SYN3: variants seen among roughly 807,000 people sequenced by gnomAD.
The protein encoded by SYN3 is synapsin-3.
Under a neutral mutation model 65.8 loss-of-function variants are expected in SYN3, and 35 were observed. The ratio of observed to expected loss-of-function variants is 0.53; its 90% CI spans 0.41 to 0.70. SYN3 has a LOEUF of 0.70. Ranked by LOEUF, SYN3 falls within the 30% of genes least tolerant of loss-of-function variation. The pLI, the probability that SYN3 is intolerant of heterozygous loss-of-function variation, is 0.00. For missense variants in SYN3, 680 were observed against 749.0 expected (o/e 0.91, Z 1.08); for synonymous variants, 270 against 292.9 (o/e 0.92, Z 0.80).
At chr22:32,609,418 G>A (rs1485928774) in intron 6 of SYN3, among the ~76,000 whole-genome samples, 1 of 150,672 alleles carries the variant, frequency 6.6e-6, no homozygotes, top group Non-Finnish European at 1.5e-5. Flanking sequence ...ATGATTCTAT[G>A]TATTTATTTA....
At chr22:33,020,193 TG>T (rs1456191186) in intron 1 of SYN3, among the ~76,000 whole-genome samples, 1 of 152,202 alleles carries the variant, frequency 6.6e-6, no homozygotes, top group Non-Finnish European at 1.5e-5. Context: ...AGTATTCAGT[TG>T]AATAGTTAAC....
intron 6 of SYN3, among the ~76,000 whole-genome samples, chr22:32,788,499 C>A (rs2046246700): frequency 6.6e-6 from 1 of 151,906 alleles, no homozygotes; most frequent in African/African-American, 2.4e-5. Flanking sequence ...AGAGATCGTG[C>A]CACTGCACTC....
At chr22:32,830,399 C>T (rs781407689) in intron 6 of SYN3, among the ~76,000 whole-genome samples, 11 of 151,964 alleles carry the variant, frequency 7.2e-5, no homozygotes, top group African/African-American at 1.9e-4. Flanking sequence ...ATGCTTTGCC[C>T]GACAGTCTAT....
chr22:32,554,841 C>T (rs910256685), intron 7 of SYN3, among the ~76,000 whole-genome samples: 4 of 152,202 alleles, frequency 2.6e-5, no homozygotes. Flanking sequence ...AATCCCAACT[C>T]CATCACTTAT....
At chr22:32,817,627 A>G (rs529563010) in intron 6 of SYN3, among the ~76,000 whole-genome samples, 1 of 152,220 alleles carries the variant, frequency 6.6e-6, no homozygotes, top group Non-Finnish European at 1.5e-5. Flanking sequence ...GCTGACCTTC[A>G]AGGTCACACA....
At chr22:32,717,672 T>C (rs2061057190) in intron 6 of SYN3, among the ~76,000 whole-genome samples, 1 of 152,140 alleles carries the variant, frequency 6.6e-6, no homozygotes, top group Admixed American at 6.5e-5. Context: ...TGGCTCACTC[T>C]GCACTTGAGA....
At chr22:33,005,947 T>G in intron 2 of SYN3, among the ~76,000 whole-genome samples, 1 of 152,182 alleles carries the variant, frequency 6.6e-6, no homozygotes, top group East Asian at 1.9e-4. Context: ...TCCAGCAGGC[T>G]CTGAACTATA....
intron 6 of SYN3, among the ~76,000 whole-genome samples, chr22:32,611,688 G>A (rs1456754209): frequency 6.6e-6 from 1 of 152,114 alleles, no homozygotes; most frequent in Non-Finnish European, 1.5e-5. Context: ...TAAAGAGAAG[G>A]GCTAAGAAGG....
chr22:32,756,769 C>T (rs202023954), intron 6 of SYN3, among the ~76,000 whole-genome samples: 2 of 152,220 alleles, frequency 1.3e-5, no homozygotes, highest in East Asian at 3.8e-4. Context: ...GAAGCCCTCA[C>T]CAGAAACTGA....
At chr22:32,662,317 G>C (rs1002022357) in intron 6 of SYN3, among the ~76,000 whole-genome samples, 12 of 152,146 alleles carry the variant, frequency 7.9e-5, no homozygotes, top group African/African-American at 2.9e-4. Context: ...TTCAGCTGAG[G>C]ACTCCCAAAT....
chr22:32,961,501 A>G lies in SYN3; in HGVS notation c.369+19144T>C, dbSNP rs147507489. ...TGTGTTGTCAGTGGGTTTTGGTTTC[A>G]CCCCCATCATATATTTACCAACTGA... On this transcript the variant is annotated intron_variant, in intron 3 of 13. Coordinates refer to ENST00000358763, the MANE Select transcript of SYN3 (RefSeq NM_003490.4). 3.6e-3 allele frequency among the ~76,000 whole-genome samples: 550 copies of G among 152,062 alleles called. 3 individuals are homozygous for G. The highest frequency in any genetic ancestry group is 0.013 in the African/African-American group (526 of 41,458).
chr22:33,056,340 T>C (rs2054252791), intron 1 of SYN3, among the ~76,000 whole-genome samples: 1 of 152,074 alleles, frequency 6.6e-6, no homozygotes, highest in Admixed American at 6.6e-5. Context: ...ATTTGTGAGG[T>C]AGTGTAGTGG....
chr22:32,610,551 A>G (rs2059427811), intron 6 of SYN3, among the ~76,000 whole-genome samples: 1 of 147,298 alleles, frequency 6.8e-6, no homozygotes, highest in Non-Finnish European at 1.5e-5. Context: ...AGTTTCCTTC[A>G]CTTTGTATGT....
chr22:32,659,189 G>A lies in SYN3; in HGVS notation c.712-62453C>T, dbSNP rs1239370165. ...AAGTATGTAGCTAAAGAGTTGGAGT[G>A]GGGTGATGATAAGGGAAGATATTTA... On this transcript the variant is annotated intron_variant, in intron 6 of 13. Transcript: ENST00000358763. 2.0e-5 allele frequency among the ~76,000 whole-genome samples: 3 copies of A among 152,172 alleles called. No individual in the cohort carries two copies. The East Asian group carries it at 5.8e-4, about 29-fold the overall frequency.
chr22:32,935,895 A>G (rs1370255872), intron 3 of SYN3, among the ~76,000 whole-genome samples: 1 of 152,264 alleles, frequency 6.6e-6, no homozygotes, highest in Non-Finnish European at 1.5e-5. Context: ...CAATTTTGAT[A>G]TCTTTAAAAC....
chr22:32,723,294 T>C (rs1211640339), intron 6 of SYN3, among the ~76,000 whole-genome samples: 51 of 152,236 alleles, frequency 3.4e-4, no homozygotes, highest in Non-Finnish European at 2.9e-5. Flanking sequence ...TTCCCATCTA[T>C]AAAATGGGGA....
chr22:33,036,159 T>C (rs1382552565), intron 1 of SYN3, among the ~76,000 whole-genome samples: 2 of 152,172 alleles, frequency 1.3e-5, no homozygotes, highest in African/African-American at 4.8e-5. Context: ...TAAGAAAATG[T>C]ATAAAGACTA....
At chr22:32,564,395 G>A (rs1281672196) in intron 7 of SYN3, among the ~76,000 whole-genome samples, 1 of 152,164 alleles carries the variant, frequency 6.6e-6, no homozygotes, top group East Asian at 1.9e-4. Flanking sequence ...CATAAACCAA[G>A]GCTGCTTCTC....
intron 6 of SYN3, among the ~76,000 whole-genome samples, chr22:32,800,469 C>G (rs2046539382): frequency 6.6e-6 from 1 of 152,144 alleles, no homozygotes; most frequent in South Asian, 2.1e-4. Context: ...GGGAGTGATA[C>G]TTGTGCTTGC....
Sources: gnomAD v4.1 joint callset for allele counts (sites outside exome capture counted in the v4.1 genomes callset) on GRCh38, gnomAD v4.1.1 for gene constraint, MANE v1.5 for transcripts, NCBI Gene and HGNC (gene_info 2026-07-23, HGNC 2026-07-21) for gene names.